The following ZNF608 variants were observed in gnomAD, a reference collection of about 807,000 sequenced individuals.
The protein encoded by ZNF608 is renal carcinoma antigen NY-REN-36.
A neutral mutation model predicts 109.0 loss-of-function variants in ZNF608; 12 were observed. The ratio of observed to expected loss-of-function variants is 0.11; its 90% CI spans 0.07 to 0.18. ZNF608 has a LOEUF of 0.18. Ranked by LOEUF, ZNF608 falls within the 10% of genes least tolerant of loss-of-function variation. The pLI is 1.00. For synonymous variants in ZNF608, 732 were observed against 717.4 expected, an observed-to-expected ratio of 1.02 and a Z score of -0.33; for missense variants, 1,707 against 1,879.3, an observed-to-expected ratio of 0.91 and a Z score of 1.70.
At chr5:124,711,628 G>A (rs1208287242) in intron 2 of ZNF608, among the ~76,000 whole-genome samples, 1 of 152,218 alleles carries the variant, frequency 6.6e-6, no homozygotes, top group Non-Finnish European at 1.5e-5. Context: ...TGTTGGGGAA[G>A]TCATTCCTTC....
At chr5:124,735,687 G>C in intron 2 of ZNF608, among the ~76,000 whole-genome samples, 1 of 152,214 alleles carries the variant, frequency 6.6e-6, no homozygotes, top group East Asian at 1.9e-4. Flanking sequence ...TTCAGTGTCT[G>C]GCATCTGCTG....
rs569836485 is a variant in ZNF608 at position 124,698,768 on chromosome 5, A to G, written c.1162+2246T>C. Among the ~76,000 whole-genome samples the G allele has an allele frequency of 1.4e-3, 207 of 152,362 alleles. 1 individual carries two copies. In the Middle Eastern group the frequency reaches 0.017, roughly 13 times the overall value. The stretch of plus-strand genomic sequence containing the variant: ...ATGTACTGCTATAGTTTTTAAACCC[A>G]GATTTTTTTCCTAAATAATCTTATC... On this transcript the variant is annotated intron_variant, in intron 3 of 9. Transcript: ENST00000513986.
intron 2 of ZNF608, among the ~76,000 whole-genome samples, chr5:124,706,702 G>GAGGAAAGC (rs1753271427): frequency 6.6e-6 from 1 of 152,134 alleles, no homozygotes; most frequent in East Asian, 1.9e-4. Context: ...CCCAAAAAAA[G>GAGGAAAGC]AGGAAAGCAG....
chr5:124,660,193 T>TGTGTGA (rs1554084199), intron 3 of ZNF608, among the ~76,000 whole-genome samples: 1 of 128,702 alleles, frequency 7.8e-6, no homozygotes, highest in Non-Finnish European at 1.7e-5. Flanking sequence ...TGTGTGTGTG[T>TGTGTGA]GAGAGAGAGA....
intron 3 of ZNF608, among the ~76,000 whole-genome samples, chr5:124,653,849 GT>G (rs1232496377): frequency 7.9e-5 from 12 of 152,206 alleles, no homozygotes; most frequent in African/African-American, 2.9e-4. Flanking sequence ...ATGGGCCAAA[GT>G]TCCAAGGGCG....
chr5:124,691,598 G>A (rs1230363076), intron 3 of ZNF608, among the ~76,000 whole-genome samples: 1 of 152,164 alleles, frequency 6.6e-6, no homozygotes, highest in African/African-American at 2.4e-5. Context: ...CCATCAATGG[G>A]TGAATAAAGA....
At chr5:124,746,758 G>A (rs1749654324), upstream of ZNF608, 5 of 984,942 alleles carry the variant, frequency 5.1e-6, no homozygotes, top group Non-Finnish European at 6.0e-6. Flanking sequence ...TTTTCCGCCC[G>A]TCCTGACAGA....
Position 124,643,687 on chromosome 5 carries a change from C to A in ZNF608, c.4124-4G>T, listed in dbSNP as rs758480161. On this transcript the variant is annotated splice_region_variant and splice_polypyrimidine_tract_variant and intron_variant, in intron 6 of 9. Coordinates refer to ENST00000513986, the MANE Select transcript of ZNF608 (RefSeq NM_020747.3). The stretch of plus-strand genomic sequence containing the variant: ...AATCCTGGAGAGAGATATGCCCCTG[C>A]AGATAAACAACAAATGCCACATCAA... 2 of 1,613,524 alleles carry A rather than the reference C, an allele frequency of 1.2e-6. No homozygotes were observed. Among genetic ancestry groups the A allele is most frequent in the Admixed American group, 3.3e-5 (2 of 59,960 alleles).
At chr5:124,667,834 T>C (rs1306432297) in intron 3 of ZNF608, among the ~76,000 whole-genome samples, 1 of 152,170 alleles carries the variant, frequency 6.6e-6, no homozygotes, top group Admixed American at 6.5e-5. Context: ...GGCAGTAATC[T>C]GTGGAACTAG....
intron 5 of ZNF608, among the ~76,000 whole-genome samples, chr5:124,646,235 C>T (rs1235467338): frequency 6.6e-6 from 1 of 152,130 alleles, no homozygotes; most frequent in Non-Finnish European, 1.5e-5. Flanking sequence ...GTGGCACGTG[C>T]CTGTAGTCCC....
Position 124,637,866 on chromosome 5 carries a change from T to A in ZNF608, c.*34A>T. The A allele has an allele frequency of 6.2e-7, 1 of 1,602,400 alleles. No individual in the cohort carries two copies. Among genetic ancestry groups the A allele is most frequent in the Middle Eastern group, 1.7e-4 (1 of 6,036 alleles). ...CTGTATAAAGCGCTTCCCCATGTGA[T>A]CCAGTCACATGACAATGTACATGTC... is the stretch of plus-strand genomic sequence containing the variant. On this transcript the variant is annotated 3_prime_UTR_variant, in exon 10 of 10. Coordinates refer to ENST00000513986, the MANE Select transcript of ZNF608 (RefSeq NM_020747.3).
chr5:124,657,747 C>T (rs1016369424), intron 3 of ZNF608, among the ~76,000 whole-genome samples: 7 of 152,096 alleles, frequency 4.6e-5, no homozygotes, highest in Admixed American at 2.6e-4. Context: ...GAAAGACATG[C>T]TTTACTTCTT....
chr5:124,739,858 C>T (rs1199760357), intron 2 of ZNF608, among the ~76,000 whole-genome samples: 1 of 152,182 alleles, frequency 6.6e-6, no homozygotes, highest in African/African-American at 2.4e-5. Flanking sequence ...TTGTTCGAAT[C>T]TGGTTATTGA....
chr5:124,674,362 A>G (rs12520198), intron 3 of ZNF608, among the ~76,000 whole-genome samples: 4,671 of 152,308 alleles, frequency 0.031, 162 homozygotes, highest in East Asian at 0.13. Flanking sequence ...TTCTGTGGAA[A>G]TGGGGCCCAA....
intron 8 of ZNF608, 64 bp downstream of exon 8, chr5:124,641,188 C>A (rs1750217741): frequency 1.2e-6 from 2 of 1,602,338 alleles, no homozygotes; most frequent in African/African-American, 1.3e-5. Flanking sequence ...ATGTGAAATG[C>A]AATTTTAGCA....
At chr5:124,657,855 A>G (rs574011874) in intron 3 of ZNF608, among the ~76,000 whole-genome samples, 15 of 152,348 alleles carry the variant, frequency 9.8e-5, no homozygotes, top group African/African-American at 3.4e-4. Context: ...AGCATCATAA[A>G]AAAAAATCAC....
At position 124,744,229 on chromosome 5, in the gene ZNF608, C is replaced by A; in HGVS notation, c.761G>T (p.Gly254Val). ...GGGASPFHCG[G>V]TGSGSVAAAG... ...AGCGGCGACGCTGCCACTCCCAGTGCCCCCGCAGTGGAAGGGGCTCGCGCC... is the reference window on the plus strand; with the variant it reads ...AGCGGCGACGCTGCCACTCCCAGTGACCCCGCAGTGGAAGGGGCTCGCGCC... The change falls in exon 2 of 10, where the codon GGC (glycine) becomes GTC (valine). Residue 254 changes from glycine to valine, a missense_variant. By Grantham distance (109) the Gly-to-Val change is moderately radical (BLOSUM62 -3). This residue lies in a region of ZNF608 where 407 missense variants were observed against 398.7 expected (regional missense o/e 1.02). Transcript: ENST00000513986. This position sits in a 1 kb window ranked among gnomAD's most constrained non-coding sequence, Gnocchi z 4.5. 1 of 1,613,828 alleles carries A rather than the reference C, an allele frequency of 6.2e-7. No individual in the cohort carries two copies. The highest frequency in any genetic ancestry group is 8.5e-7 in the Non-Finnish European group (1 of 1,179,954).
intron 3 of ZNF608, among the ~76,000 whole-genome samples, chr5:124,690,875 T>C (rs1204939885): frequency 6.6e-6 from 1 of 151,796 alleles, no homozygotes; most frequent in Non-Finnish European, 1.5e-5. Context: ...ACTCTGTTTC[T>C]GACAAAAGGT....
intron 3 of ZNF608, among the ~76,000 whole-genome samples, chr5:124,658,646 C>T (rs1436237597): frequency 1.3e-5 from 2 of 152,088 alleles, no homozygotes; most frequent in Admixed American, 6.6e-5. Context: ...GTTTCTCAAA[C>T]CCTCTCCTTT....
Sources: allele counts gnomAD v4.1 joint callset (sites outside exome capture counted in the v4.1 genomes callset), GRCh38; gene constraint gnomAD v4.1.1; regional missense constraint gnomAD v4.1.1; non-coding constraint Gnocchi (gnomAD v3.1); transcripts MANE v1.5; gene names NCBI Gene and HGNC (gene_info 2026-07-23, HGNC 2026-07-21).